GRHL1: variants seen among roughly 807,000 people sequenced by gnomAD.
GRHL1 encodes grainyhead like transcription factor 1.
GRHL1 carries 38 observed loss-of-function variants against 75.7 expected under a neutral mutation model. That is an observed-to-expected ratio of 0.50 (90% confidence interval 0.39 to 0.66). GRHL1 has a LOEUF of 0.66. GRHL1 is among the 30% of genes least tolerant of loss of function. The pLI is 0.00. For synonymous variants in GRHL1, 266 were observed against 279.4 expected (o/e 0.95, Z 0.48); for missense variants, 589 against 767.5 (o/e 0.77, Z 2.75).
chr2:9,973,169 T>G (rs1470307838), intron 8 of GRHL1, among the ~76,000 whole-genome samples: 1 of 152,330 alleles, frequency 6.6e-6, no homozygotes, highest in East Asian at 1.9e-4. Flanking sequence ...TGGCTGCCGC[T>G]GAAAGTCTTT....
intron 1 of GRHL1, 27 bp from the exon 2 acceptor site, chr2:9,954,888 T>G: frequency 6.3e-7 from 1 of 1,591,460 alleles, no homozygotes; most frequent in Non-Finnish European, 8.6e-7. Context: ...AGTGTGTGTT[T>G]TTGTTTTTTT....
rs1209358881 is a variant in GRHL1, at chr2:9,978,020, C to T, written c.1111-8104C>T. 2.6e-5 allele frequency among the ~76,000 whole-genome samples: 4 copies of T among 152,290 alleles called. No homozygotes were observed. The East Asian group carries it at 7.7e-4, about 29-fold the overall frequency. ...TGAGAGCCAAGCAAAAGGGGAAACC[C>T]CTTATAAAACCATCAGATCTCATGG... On this transcript the variant is annotated intron_variant, in intron 8 of 15. Transcript: ENST00000324907.
chr2:9,951,740 C>T lies in GRHL1; in HGVS notation c.-94C>T, dbSNP rs1263789554. On this transcript the variant is annotated 5_prime_UTR_variant, in exon 1 of 16. Transcript: ENST00000324907. This position sits in a 1 kb window ranked among gnomAD's most constrained non-coding sequence, Gnocchi z 4.2. ...CCCGTCGGGGCCGCCGCTCCGGACC[C>T]GCAGCCGCCGCCGCCGCCTCCTCCC... 3 of 1,229,102 alleles carry T rather than the reference C, an allele frequency of 2.4e-6. No individual in the cohort carries two copies. Among genetic ancestry groups the T allele is most frequent in the East Asian group, 3.5e-5 (1 of 28,840 alleles). 76.1% of individuals were successfully genotyped at this position (1,229,102 alleles called of 1,614,324 possible). A position where few individuals can be genotyped will look rare whatever the true frequency, so the allele number is the denominator to read the frequency against.
chr2:9,981,237 C>T (rs1179129591), intron 8 of GRHL1, among the ~76,000 whole-genome samples: 2 of 152,256 alleles, frequency 1.3e-5, no homozygotes, highest in African/African-American at 2.4e-5. Context: ...ACTTCTCCCT[C>T]AGAACTTACC....
At position 9,969,569 on chromosome 2, in the gene GRHL1, C is replaced by T. The variant is rs185398273; in HGVS notation, c.1110+4188C>T. Among the ~76,000 whole-genome samples the T allele has an allele frequency of 1.1e-4, 16 of 152,268 alleles. No homozygotes were observed. The South Asian group carries it at 1.7e-3, about 16-fold the overall frequency. On this transcript the variant is annotated intron_variant, in intron 8 of 15. Transcript: ENST00000324907. ...TAATTTATGTTGGATTATATTATAA[C>T]GTTTGAGTTGGATGAGTAACATTTA...
chr2:9,989,625 C>T (rs916023924), intron 9 of GRHL1, among the ~76,000 whole-genome samples: 11 of 152,022 alleles, frequency 7.2e-5, no homozygotes, highest in Admixed American at 2.6e-4. Context: ...CCCAGCTCAC[C>T]GCAATCTCTA....
intron 7 of GRHL1, chr2:9,965,016 A>G (rs1364791158): frequency 2.9e-6 from 1 of 341,964 alleles, no homozygotes; most frequent in Non-Finnish European, 5.3e-6. Context: ...TAGTTTTGTG[A>G]CCTTGGGACT....
At chr2:9,974,247 T>C (rs958798824) in intron 8 of GRHL1, among the ~76,000 whole-genome samples, 2 of 152,208 alleles carry the variant, frequency 1.3e-5, no homozygotes, top group African/African-American at 4.8e-5. Flanking sequence ...ACACTGTCTC[T>C]TGAGTTCAAA....
At chr2:9,972,153 A>G (rs953158633) in intron 8 of GRHL1, among the ~76,000 whole-genome samples, 1 of 149,738 alleles carries the variant, frequency 6.7e-6, no homozygotes. Context: ...ACCCATGTCT[A>G]TGTAGCCTGC....
At chr2:9,999,527 T>A (rs1669177654) in intron 15 of GRHL1, among the ~76,000 whole-genome samples, 1 of 152,232 alleles carries the variant, frequency 6.6e-6, no homozygotes. Flanking sequence ...GTCTCAGGGC[T>A]TGTTTATATT....
chr2:9,969,887 G>C (rs1469455046), intron 8 of GRHL1, among the ~76,000 whole-genome samples: 1 of 131,334 alleles, frequency 7.6e-6, no homozygotes, highest in East Asian at 2.2e-4. Flanking sequence ...CTTTCGCCCA[G>C]GCTGGACTGC....
chr2:9,983,920 G>T (rs1668306495), intron 8 of GRHL1, among the ~76,000 whole-genome samples: 1 of 151,946 alleles, frequency 6.6e-6, no homozygotes, highest in Admixed American at 6.6e-5. Context: ...ACTTTGGGAG[G>T]CCGAGGTGGG....
chr2:9,959,026 A>C, intron 3 of GRHL1, 170 bp downstream of exon 3: 1 of 1,104,404 alleles, frequency 9.1e-7, no homozygotes, highest in Non-Finnish European at 1.2e-6. Flanking sequence ...TGTTGCTCTG[A>C]AATTTCCTTT....
chr2:9,993,820 G>C (rs74353915), intron 12 of GRHL1, among the ~76,000 whole-genome samples: 4,021 of 152,304 alleles, frequency 0.026, 176 homozygotes, highest in African/African-American at 0.091. Context: ...CTGCAAAGTG[G>C]CTCCTTTTAT....
chr2:9,953,817 G>A (rs934506673), intron 1 of GRHL1, among the ~76,000 whole-genome samples: 1 of 152,170 alleles, frequency 6.6e-6, no homozygotes, highest in Non-Finnish European at 1.5e-5. Context: ...TCATTTGTGT[G>A]TTGCAATGAG....
At chr2:9,975,694 G>A (rs11685832) in intron 8 of GRHL1, among the ~76,000 whole-genome samples, 1,628 of 151,288 alleles carry the variant, frequency 0.011, 30 homozygotes, top group African/African-American at 0.037. Context: ...CCTGACCAAC[G>A]TGGTGAAACT....
At chr2:9,997,503 G>C (rs775313451) in intron 14 of GRHL1, among the ~76,000 whole-genome samples, 1 of 152,056 alleles carries the variant, frequency 6.6e-6, no homozygotes, top group Non-Finnish European at 1.5e-5. Flanking sequence ...CTTGCCTTTT[G>C]ATGACCCTTC....
chr2:9,960,993 T>C (rs746528446), intron 3 of GRHL1, 53 bp from the exon 4 acceptor site: 34 of 1,421,932 alleles, frequency 2.4e-5, no homozygotes, highest in Non-Finnish European at 3.2e-5. Flanking sequence ...AAATAAAAAT[T>C]GTCAAAGAAC....
Position 9,951,906 on chromosome 2 carries a change from GC to G in GRHL1, c.20+54del. On this transcript the variant is annotated intron_variant, in intron 1 of 15. Coordinates refer to ENST00000324907, the MANE Select transcript of GRHL1 (RefSeq NM_198182.3). This position sits in a 1 kb window ranked among gnomAD's most constrained non-coding sequence, Gnocchi z 4.2. ...CGCGGGGGGGCCGCGCTGAGGGGCC[GC>G]ACCTGCAGCGAGCGAGCCGGGCGCA... The G allele has an allele frequency of 8.0e-7, 1 of 1,249,532 alleles. No homozygotes were observed. The highest frequency in any genetic ancestry group is 1.0e-6 in the Non-Finnish European group (1 of 970,116). 77.4% of individuals were successfully genotyped at this position (1,249,532 alleles called of 1,614,324 possible). A position where few individuals can be genotyped will look rare whatever the true frequency, so the allele number is the denominator to read the frequency against.
Sources: allele counts gnomAD v4.1 joint callset (sites outside exome capture counted in the v4.1 genomes callset), GRCh38; gene constraint gnomAD v4.1.1; non-coding constraint Gnocchi (gnomAD v3.1); transcripts MANE v1.5; gene names NCBI Gene and HGNC (gene_info 2026-07-23, HGNC 2026-07-21).